CDH12: variants seen among roughly 807,000 people sequenced by gnomAD.
CDH12 encodes cadherin-12.
A neutral mutation model predicts 74.1 loss-of-function variants in CDH12; 41 were observed. The ratio of observed to expected loss-of-function variants is 0.55; its 90% CI spans 0.43 to 0.72. CDH12 has a LOEUF of 0.72. Ranked by LOEUF, CDH12 falls within the 30% of genes least tolerant of loss-of-function variation. The pLI is 0.00. For missense variants in CDH12, 945 were observed against 977.2 expected, an observed-to-expected ratio of 0.97 and a Z score of 0.44; for synonymous variants, 399 against 355.0, an observed-to-expected ratio of 1.12 and a Z score of -1.39.
At chr5:22,793,092 T>C (rs1748000678) in intron 1 of CDH12, among the ~76,000 whole-genome samples, 1 of 152,188 alleles carries the variant, frequency 6.6e-6, no homozygotes, top group Admixed American at 6.5e-5. Context: ...TTTCCGTTCA[T>C]GAAATATATG....
chr5:22,784,686 C>A (rs1484935834), intron 1 of CDH12, among the ~76,000 whole-genome samples: 1 of 152,072 alleles, frequency 6.6e-6, no homozygotes, highest in African/African-American at 2.4e-5. Flanking sequence ...AGCCTGGTCC[C>A]GTTATAAACT....
chr5:22,619,615 A>G (rs187178129), intron 1 of CDH12, among the ~76,000 whole-genome samples: 1 of 152,150 alleles, frequency 6.6e-6, no homozygotes, highest in East Asian at 1.9e-4. Flanking sequence ...AAAAATATCA[A>G]AATGGTAACC....
intron 3 of CDH12, among the ~76,000 whole-genome samples, chr5:22,365,605 A>T (rs764930169): frequency 2.0e-5 from 3 of 152,208 alleles, no homozygotes; most frequent in Non-Finnish European, 4.4e-5. Flanking sequence ...GAGAAAGTTA[A>T]CTAGCTAGAT....
chr5:22,520,371 T>C (rs1737000138), intron 1 of CDH12, among the ~76,000 whole-genome samples: 1 of 152,164 alleles, frequency 6.6e-6, no homozygotes. Context: ...TAAATATGCA[T>C]GCAACATTTT....
intron 1 of CDH12, among the ~76,000 whole-genome samples, chr5:22,776,137 C>T (rs1747087996): frequency 6.6e-6 from 1 of 152,104 alleles, no homozygotes; most frequent in South Asian, 2.1e-4. Flanking sequence ...ACTTACACTG[C>T]ATGTTCAGGA....
intron 5 of CDH12, among the ~76,000 whole-genome samples, chr5:22,005,575 T>C (rs1237734238): frequency 7.4e-6 from 1 of 135,238 alleles, no homozygotes; most frequent in Non-Finnish European, 1.6e-5. Flanking sequence ...TGTGATCTAC[T>C]TAAAAAAAAA....
At chr5:22,090,185 C>CA (rs1445071163) in intron 4 of CDH12, among the ~76,000 whole-genome samples, 3 of 151,608 alleles carry the variant, frequency 2.0e-5, no homozygotes, top group Admixed American at 6.6e-5. Context: ...TTACTAAAAT[C>CA]AGTAAAGAAG....
chr5:22,435,524 G>GTATATA (rs1554040614), intron 2 of CDH12, among the ~76,000 whole-genome samples: 102 of 148,824 alleles, frequency 6.9e-4, no homozygotes, highest in African/African-American at 1.8e-3. Flanking sequence ...GTGTGTGTGT[G>GTATATA]TATATACATA....
At chr5:22,801,498 G>A (rs925330010) in intron 1 of CDH12, among the ~76,000 whole-genome samples, 11 of 151,650 alleles carry the variant, frequency 7.3e-5, no homozygotes, top group Admixed American at 3.9e-4. Flanking sequence ...ATTATCTTTC[G>A]TTTCCTCCAG....
At chr5:22,102,263 C>A (rs989886014) in intron 4 of CDH12, among the ~76,000 whole-genome samples, 10 of 151,786 alleles carry the variant, frequency 6.6e-5, no homozygotes, top group African/African-American at 2.2e-4. Flanking sequence ...CCATCCTTTA[C>A]CAGCATTTAT....
intron 3 of CDH12, among the ~76,000 whole-genome samples, chr5:22,362,644 T>A (rs1740861357): frequency 6.6e-6 from 1 of 151,944 alleles, no homozygotes; most frequent in African/African-American, 2.4e-5. Context: ...ATGTTTATTG[T>A]GGCACTATTC....
intron 2 of CDH12, among the ~76,000 whole-genome samples, chr5:22,435,139 ATC>A (rs1744325739): frequency 6.6e-6 from 1 of 152,090 alleles, no homozygotes; most frequent in African/African-American, 2.4e-5. Context: ...CCTACCCTTA[ATC>A]TGTGTGTGCA....
At chr5:22,194,444 G>C (rs940370928) in intron 4 of CDH12, among the ~76,000 whole-genome samples, 29 of 151,558 alleles carry the variant, frequency 1.9e-4, no homozygotes, top group Non-Finnish European at 4.0e-4. Flanking sequence ...CGATTCTCCT[G>C]CCTCAGCCTC....
chr5:22,181,325 T>G (rs1436977021), intron 4 of CDH12, among the ~76,000 whole-genome samples: 2 of 152,144 alleles, frequency 1.3e-5, no homozygotes, highest in Non-Finnish European at 2.9e-5. Context: ...TAGAAAGTCT[T>G]CCCTCTCCTT....
At chr5:22,240,885 A>G (rs1393210361) in intron 3 of CDH12, among the ~76,000 whole-genome samples, 1 of 152,184 alleles carries the variant, frequency 6.6e-6, no homozygotes, top group Non-Finnish European at 1.5e-5. Flanking sequence ...TTTCACAAAG[A>G]AAAGTTATAA....
At position 22,016,082 on chromosome 5, in the gene CDH12, C is replaced by T. The variant is rs940574550; in HGVS notation, c.232-40697G>A. 1.2e-3 allele frequency among the ~76,000 whole-genome samples: 184 copies of T among 152,076 alleles called. 2 individuals are homozygous for T. The highest frequency in any genetic ancestry group is 4.1e-3 in the African/African-American group (172 of 41,452). On this transcript the variant is annotated intron_variant, in intron 5 of 14. Coordinates refer to ENST00000382254, the MANE Select transcript of CDH12 (RefSeq NM_004061.5). The stretch of plus-strand genomic sequence containing the variant: ...TTAAGATATGGCTATTGGCTATTAG[C>T]TAGACTGAATTAGATTATTAACACT...
At chr5:22,171,707 C>T (rs1314368190) in intron 4 of CDH12, among the ~76,000 whole-genome samples, 1 of 151,962 alleles carries the variant, frequency 6.6e-6, no homozygotes, top group Admixed American at 6.6e-5. Context: ...AGAACTTAAT[C>T]CTTTTAAAAC....
chr5:22,805,417 AT>A, intron 1 of CDH12, among the ~76,000 whole-genome samples: 1 of 152,242 alleles, frequency 6.6e-6, no homozygotes. Flanking sequence ...AATTAAAAAA[AT>A]AAGAATAATA....
intron 3 of CDH12, among the ~76,000 whole-genome samples, chr5:22,335,653 C>T (rs915014726): frequency 1.3e-5 from 2 of 151,856 alleles, no homozygotes; most frequent in Non-Finnish European, 2.9e-5. Flanking sequence ...TTGCCTGCTG[C>T]TATCCATGTA....
Sources: allele counts gnomAD v4.1 joint callset (sites outside exome capture counted in the v4.1 genomes callset), GRCh38; gene constraint gnomAD v4.1.1; transcripts MANE v1.5; gene names NCBI Gene and HGNC (gene_info 2026-07-23, HGNC 2026-07-21).